GAS5: variants seen among roughly 807,000 people sequenced by gnomAD.
The protein encoded by GAS5 is growth arrest specific 5 (non-protein coding).
intron 2 of GAS5, chr1:173,866,633 G>T (rs1324358365): frequency 1.3e-6 from 1 of 764,022 alleles, no homozygotes; most frequent in Non-Finnish European, 2.4e-6. Context: ...ACCATTTTGG[G>T]TGCCTCAGTT....
intron 6 of GAS5, chr1:173,865,404 CTTTAAT>C: frequency 3.9e-6 from 2 of 516,312 alleles, no homozygotes; most frequent in Non-Finnish European, 7.7e-6. Flanking sequence ...TTCCCATCTG[CTTTAAT>C]TTTAAAATCA....
intron 6 of GAS5, chr1:173,865,326 G>C (rs1188893896): frequency 8.2e-6 from 4 of 487,664 alleles, no homozygotes; most frequent in South Asian, 6.0e-5. Context: ...GTAATAGGTG[G>C]ATTTCTAAAA....
chr1:173,868,210 C>G (rs1301259696), upstream of GAS5: 1 of 153,986 alleles, frequency 6.5e-6, no homozygotes, highest in South Asian at 1.8e-4. Flanking sequence ...TGCTCCCGCC[C>G]TCCTCCCGAC....
At chr1:173,867,443 C>G, upstream of GAS5, 1 of 357,958 alleles carries the variant, frequency 2.8e-6, no homozygotes, top group South Asian at 2.1e-5. Flanking sequence ...ACTCGGGACG[C>G]GGAGGTTGCC....
At chr1:173,865,896 TAAGA>T (rs1345375530) in intron 4 of GAS5, 8 of 518,878 alleles carry the variant, frequency 1.5e-5, no homozygotes, top group Admixed American at 3.9e-5. Flanking sequence ...GGACTCCACC[TAAGA>T]AATAAGAGTG....
intron 6 of GAS5, chr1:173,864,775 T>C (rs1461352841): frequency 1.9e-6 from 1 of 516,920 alleles, no homozygotes; most frequent in Non-Finnish European, 3.9e-6. Flanking sequence ...TCTCCAAACA[T>C]TATAGAATGG....
intron 6 of GAS5, chr1:173,864,973 C>A (rs1654333936): frequency 2.0e-6 from 1 of 506,370 alleles, no homozygotes; most frequent in African/African-American, 1.9e-5. Flanking sequence ...AATCCCAGCA[C>A]TTTGGGAGGT....
At chr1:173,866,568 C>T (rs112023202) in intron 2 of GAS5, 1 of 755,892 alleles carries the variant, frequency 1.3e-6, no homozygotes, top group Non-Finnish European at 2.4e-6. Context: ...TCTTTAGGAC[C>T]TGGGAAGAAA....
At chr1:173,866,959 A>T in intron 1 of GAS5, 1 of 765,468 alleles carries the variant, frequency 1.3e-6, no homozygotes, top group East Asian at 2.4e-5. Context: ...CTTAGATTTC[A>T]TTCTTCCCAC....
chr1:173,867,744 A>G (rs757919620), upstream of GAS5: 3 of 519,084 alleles, frequency 5.8e-6, no homozygotes, highest in East Asian at 1.1e-4. Context: ...CATCAGAGGC[A>G]GGGCACGAGA....
chr1:173,864,340 T>G (rs1376667577), intron 6 of GAS5: 1 of 518,420 alleles, frequency 1.9e-6, no homozygotes, highest in Non-Finnish European at 3.9e-6. Flanking sequence ...CAGGGCAAAA[T>G]ACAAATGTGT....
At chr1:173,866,832 A>T (rs1380581442) in intron 1 of GAS5, 1 of 765,506 alleles carries the variant, frequency 1.3e-6, no homozygotes, top group Non-Finnish European at 2.4e-6. Context: ...AACAGTGAGA[A>T]TGAACCTCAC....
chr1:173,866,448 C>A lies in GAS5; in HGVS notation n.131+80G>T, dbSNP rs150490791. On this transcript the variant is annotated intron_variant and non_coding_transcript_variant, in intron 3 of 7. Coordinates refer to ENST00000651080, the Ensembl canonical transcript of GAS5. ...CTCATTTGAAAAGAGGGGAGAGAAG[C>A]ACTAACATAGATAATCATCATTGCT... 273 of 617,582 alleles carry A rather than the reference C, an allele frequency of 4.4e-4. 2 individuals carry two copies. In the East Asian group the frequency reaches 8.7e-3, roughly 20 times the overall value. The allele number at this position is 617,582 out of a possible 1,614,324, so 38.3% of individuals were successfully genotyped here. A position where few individuals can be genotyped will look rare whatever the true frequency, so the allele number is the denominator to read the frequency against.
At chr1:173,868,840 C>T (rs1486703761), upstream of GAS5, 1 of 153,102 alleles carries the variant, frequency 6.5e-6, no homozygotes, top group Non-Finnish European at 1.5e-5. Flanking sequence ...CAGTTCCCCT[C>T]TCCCCAGGCT....
chr1:173,867,935 C>A, upstream of GAS5: 1 of 361,242 alleles, frequency 2.8e-6, no homozygotes, highest in Non-Finnish European at 5.5e-6. Context: ...CCAAAACCCG[C>A]AACATTCGCA....
intron 6 of GAS5, chr1:173,864,402 G>C (rs1209889001): frequency 3.9e-6 from 2 of 519,042 alleles, no homozygotes; most frequent in Middle Eastern, 6.4e-4. Context: ...GTTTTACAGT[G>C]ATATCATTAT....
chr1:173,866,408 T>C (rs970075077), intron 3 of GAS5: 4 of 563,666 alleles, frequency 7.1e-6, no homozygotes, highest in Middle Eastern at 3.1e-4. Context: ...TTAGTATCAA[T>C]ATGAGAGCAA....
upstream of GAS5, chr1:173,867,576 C>T: frequency 2.0e-6 from 1 of 504,826 alleles, no homozygotes; most frequent in Non-Finnish European, 4.0e-6. Context: ...CACTTAAGCA[C>T]GTGGACTACC....
At chr1:173,866,056 A>C (rs772156464) in intron 4 of GAS5, 1 of 519,032 alleles carries the variant, frequency 1.9e-6, no homozygotes, top group African/African-American at 1.9e-5. Context: ...CTTATTAATC[A>C]TAACAAGACA....
Sources: allele counts gnomAD v4.1 joint callset, GRCh38; gene constraint gnomAD v4.1.1; transcripts MANE v1.5; gene names NCBI Gene and HGNC (gene_info 2026-07-23, HGNC 2026-07-21).